The following TFB2M variants were observed in gnomAD, a reference collection of about 807,000 sequenced individuals.
TFB2M encodes the protein dimethyladenosine transferase 2, mitochondrial.
Under a neutral mutation model 41.3 loss-of-function variants are expected in TFB2M, and 44 were observed. That is an observed-to-expected ratio of 1.07 (90% CI 0.84 to 1.37). The LOEUF (loss-of-function observed/expected upper bound fraction) is 1.37. Ranked by LOEUF, TFB2M falls within the 40% of genes most tolerant of loss-of-function variation. The pLI is 0.00. For synonymous variants in TFB2M, 188 were observed against 176.8 expected (o/e 1.06, Z -0.50); for missense variants, 496 against 490.2 (o/e 1.01, Z -0.11).
intron 6 of TFB2M, among the ~76,000 whole-genome samples, chr1:246,547,259 G>C (rs1336508595): frequency 6.6e-6 from 1 of 152,120 alleles, no homozygotes; most frequent in Non-Finnish European, 1.5e-5. Flanking sequence ...TGGGATTACA[G>C]GTGTGAGCCA....
intron 4 of TFB2M, among the ~76,000 whole-genome samples, chr1:246,552,168 G>A (rs779812713): frequency 2.0e-5 from 3 of 152,178 alleles, no homozygotes; most frequent in Non-Finnish European, 4.4e-5. Context: ...CCAGCTACTC[G>A]AAAGGCTGAG....
chr1:246,548,478 C>CT (rs1659082439), intron 6 of TFB2M, 67 bp downstream of exon 6: 1 of 1,348,182 alleles, frequency 7.4e-7, no homozygotes, highest in African/African-American at 1.5e-5. Flanking sequence ...CCAAATAGTC[C>CT]TAAAAAAATA....
chr1:246,564,413 G>A lies in TFB2M; in HGVS notation c.335C>T (p.Ala112Val), dbSNP rs1333875018. The A allele has an allele frequency of 1.9e-6, 3 of 1,614,118 alleles. No individual in the cohort carries two copies. The highest frequency in any genetic ancestry group is 2.5e-6 in the Non-Finnish European group (3 of 1,179,980). ...CNPGPGILTQ[A>V]LLEAGAKVVA... ...CACTTTGGCACCAGCTTCAAGTAAT[G>A]CCTGAGTCAGGATTCCAGGACCTGG... The change falls in exon 2 of 8, where the codon GCA (alanine) becomes GTA (valine). Residue 112 changes from alanine (A) to valine (V), a missense_variant. Transcript: ENST00000366514.
chr1:246,543,894 G>GTGGGAGGATCACTTGAGCC (rs1303931389), intron 7 of TFB2M, among the ~76,000 whole-genome samples: 14 of 152,160 alleles, frequency 9.2e-5, no homozygotes, highest in African/African-American at 3.4e-4. Context: ...GGAGGCTGAG[G>GTGGGAGGATCACTTGAGCC]TGGGAGGATC....
intron 6 of TFB2M, among the ~76,000 whole-genome samples, 198 bp downstream of exon 6, chr1:246,548,347 T>C (rs1162974215): frequency 6.6e-6 from 1 of 152,162 alleles, no homozygotes; most frequent in Non-Finnish European, 1.5e-5. Context: ...ATTACTATGC[T>C]AGCATCCATT....
At chr1:246,549,752 T>C (rs931605698) in intron 5 of TFB2M, among the ~76,000 whole-genome samples, 1 of 152,088 alleles carries the variant, frequency 6.6e-6, no homozygotes, top group Non-Finnish European at 1.5e-5. Flanking sequence ...CAAGTAACAA[T>C]TTATTATTAA....
intron 6 of TFB2M, 28 bp downstream of exon 6, chr1:246,548,517 A>G: frequency 1.9e-6 from 3 of 1,595,878 alleles, no homozygotes; most frequent in East Asian, 2.2e-5. Context: ...GTAGGGAGAA[A>G]AAGGAAAAGG....
intron 6 of TFB2M, among the ~76,000 whole-genome samples, chr1:246,544,989 T>C (rs1014821587): frequency 3.9e-4 from 59 of 151,892 alleles, no homozygotes; most frequent in Non-Finnish European, 6.6e-4. Flanking sequence ...GTATTTTTAG[T>C]AGAGATGGGG....
chr1:246,563,693 T>C (rs1659516810), intron 2 of TFB2M, among the ~76,000 whole-genome samples: 2 of 152,218 alleles, frequency 1.3e-5, no homozygotes, highest in African/African-American at 4.8e-5. Context: ...CTTTGCTTTC[T>C]GATGGTCCAA....
intron 4 of TFB2M, among the ~76,000 whole-genome samples, chr1:246,556,275 T>C (rs1486835706): frequency 6.6e-6 from 1 of 152,146 alleles, no homozygotes; most frequent in Non-Finnish European, 1.5e-5. Flanking sequence ...TAATGATTAC[T>C]AGGGGACGCA....
chr1:246,561,635 T>C (rs542801051), intron 2 of TFB2M, among the ~76,000 whole-genome samples: 8 of 152,178 alleles, frequency 5.3e-5, no homozygotes, highest in African/African-American at 1.9e-4. Flanking sequence ...GCCCAGCTAA[T>C]TTTTTGTATT....
chr1:246,546,964 T>TAC (rs1457521313), intron 6 of TFB2M, among the ~76,000 whole-genome samples: 2 of 74,888 alleles, frequency 2.7e-5, no homozygotes, highest in African/African-American at 6.9e-5. Context: ...TATATGTATA[T>TAC]ATACACACAC....
chr1:246,542,508 C>A (rs1191523404), intron 7 of TFB2M, among the ~76,000 whole-genome samples: 1 of 151,968 alleles, frequency 6.6e-6, no homozygotes, highest in Admixed American at 6.6e-5. Flanking sequence ...CCCATCTCTA[C>A]AAAAATCGTA....
intron 6 of TFB2M, among the ~76,000 whole-genome samples, chr1:246,547,664 CG>C (rs1659059043): frequency 7.9e-6 from 1 of 126,572 alleles, no homozygotes; most frequent in African/African-American, 3.5e-5. Flanking sequence ...GCATTTAATT[CG>C]TTTTTTTTTT....
intron 3 of TFB2M, among the ~76,000 whole-genome samples, 154 bp downstream of exon 3, chr1:246,557,227 C>T (rs768617431): frequency 3.3e-5 from 5 of 152,080 alleles, no homozygotes; most frequent in African/African-American, 2.4e-5. Flanking sequence ...GAACCAGGAT[C>T]GCGCCACTGC....
At chr1:246,544,877 C>G (rs185880076) in intron 6 of TFB2M, among the ~76,000 whole-genome samples, 196 bp from the exon 7 acceptor site, 58 of 152,294 alleles carry the variant, frequency 3.8e-4, no homozygotes, top group African/African-American at 1.3e-3. Context: ...GTGATCTCCA[C>G]TCACTGAAAG....
intron 6 of TFB2M, among the ~76,000 whole-genome samples, chr1:246,546,819 A>AC: frequency 6.6e-6 from 1 of 151,050 alleles, no homozygotes; most frequent in East Asian, 1.9e-4. Context: ...AGGCCCTAAA[A>AC]ACCTGTTAAA....
chr1:246,543,428 C>T (rs1314741982), intron 7 of TFB2M, among the ~76,000 whole-genome samples: 2 of 152,038 alleles, frequency 1.3e-5, no homozygotes, highest in African/African-American at 4.8e-5. Flanking sequence ...ATGCCTGTAA[C>T]CCCAACACTA....
chr1:246,541,763 C>T (rs146830767), intron 7 of TFB2M, among the ~76,000 whole-genome samples: 250 of 152,264 alleles, frequency 1.6e-3, no homozygotes, highest in African/African-American at 5.8e-3. Flanking sequence ...TTCTTAACTT[C>T]TTTTGGTTCA....
Sources: allele counts gnomAD v4.1 joint callset (sites outside exome capture counted in the v4.1 genomes callset), GRCh38; gene constraint gnomAD v4.1.1; transcripts MANE v1.5; gene names NCBI Gene and HGNC (gene_info 2026-07-23, HGNC 2026-07-21).